The following CYFIP2 variants were observed in gnomAD, a reference collection of about 807,000 sequenced individuals.
CYFIP2 encodes cytoplasmic FMR1 interacting protein 2.
In CYFIP2, 29 loss-of-function variants were observed where a neutral mutation model predicts 158.7. The observed-to-expected ratio is 0.18, with a 90% CI of 0.14 to 0.25. The LOEUF is 0.25. Ranked by LOEUF, CYFIP2 falls within the 10% of genes least tolerant of loss-of-function variation. The pLI is 1.00. For missense variants in CYFIP2, 852 were observed against 1,639.5 expected (o/e 0.52, Z 8.29); for synonymous variants, 585 against 617.6 (o/e 0.95, Z 0.78).
chr5:157,292,658 C>A (rs1193750970), intron 3 of CYFIP2, among the ~76,000 whole-genome samples: 1 of 152,164 alleles, frequency 6.6e-6, no homozygotes, highest in Non-Finnish European at 1.5e-5. Context: ...AGTTATTGGG[C>A]TATTTTGAAT....
chr5:157,338,986 G>A lies in CYFIP2; in HGVS notation c.2386-71G>A. The A allele has an allele frequency of 2.8e-6, 4 of 1,452,350 alleles. No individual in the cohort carries two copies. The South Asian group carries it at 4.1e-5, about 15-fold the overall frequency. The allele number at this position is 1,452,350 out of a possible 1,614,324, so 90.0% of individuals were successfully genotyped here. A position where few individuals can be genotyped will look rare whatever the true frequency, so the allele number is the denominator to read the frequency against. ...GCTGTCACTTGCGTGAACAGAAGCA[G>A]TAAGATAAAACACACACATGTAATG... On this transcript the variant is annotated intron_variant, in intron 21 of 30. Coordinates refer to ENST00000620254, the MANE Select transcript of CYFIP2 (RefSeq NM_001037333.3).
chr5:157,348,898 C>G (rs1199327275), intron 23 of CYFIP2, among the ~76,000 whole-genome samples: 3 of 150,604 alleles, frequency 2.0e-5, no homozygotes, highest in African/African-American at 7.4e-5. Flanking sequence ...TGCAGTGAAC[C>G]AAGATCGCAC....
chr5:157,324,055 A>G lies in CYFIP2; in HGVS notation c.1806A>G (p.Thr602=). ...EDFHKQSFFF[T]HLLNISEALQ... ...TTCACAAACAGTCCTTCTTCTTCAC[A>G]CATCTGCTCAACATCAGTGGTGAGC... is the stretch of plus-strand genomic sequence containing the variant. Residue 602 remains threonine, a synonymous_variant, in exon 16 of 31, where the codon ACA becomes ACG. Transcript: ENST00000620254. The G allele has an allele frequency of 8.7e-6, 14 of 1,613,234 alleles. No individual in the cohort carries two copies. Among genetic ancestry groups the G allele is most frequent in the Non-Finnish European group, 1.2e-5 (14 of 1,179,634 alleles).
Position 157,325,468 on chromosome 5 carries a change from C to G in CYFIP2, c.1826-14C>G, listed in dbSNP as rs765808616. The stretch of plus-strand genomic sequence containing the variant: ...TCTAAAAGTAACCAAAGGCTCGTTC[C>G]CTTATGCTTTCAGAAGCCCTGCAGC... On this transcript the variant is annotated splice_polypyrimidine_tract_variant and intron_variant, in intron 16 of 30. Transcript: ENST00000620254. 1.9e-5 allele frequency: 31 copies of G among 1,595,674 alleles called. 1 individual carries two copies. The East Asian group carries it at 2.5e-4, about 13-fold the overall frequency.
At chr5:157,306,904 A>C (rs535194796) in intron 8 of CYFIP2, among the ~76,000 whole-genome samples, 2 of 151,706 alleles carry the variant, frequency 1.3e-5, no homozygotes, top group African/African-American at 2.4e-5. Flanking sequence ...AAAAAAAAAA[A>C]AAAAACCGGA....
At position 157,304,096 on chromosome 5, in the gene CYFIP2, G is replaced by A. The variant is rs560270197; in HGVS notation, c.667-142G>A. ...GGATTCAGGCATCAGGTGCCAGCTG[G>A]CATGCAGCCTCGCCTCCCTGGAGCT... is the stretch of plus-strand genomic sequence containing the variant. On this transcript the variant is annotated intron_variant, in intron 7 of 30. Transcript: ENST00000620254. 4.3e-4 allele frequency: 444 copies of A among 1,026,364 alleles called. 2 individuals are homozygous for A. The African/African-American group carries it at 6.2e-3, about 14-fold the overall frequency. 63.6% of individuals were successfully genotyped at this position (1,026,364 alleles called of 1,614,324 possible).
intron 23 of CYFIP2, among the ~76,000 whole-genome samples, chr5:157,347,489 A>T (rs1312509543): frequency 6.6e-6 from 1 of 152,178 alleles, no homozygotes; most frequent in African/African-American, 2.4e-5. Flanking sequence ...GCAGCAATGC[A>T]TGCAGCATGT....
intron 3 of CYFIP2, among the ~76,000 whole-genome samples, chr5:157,290,417 A>G (rs937625673): frequency 1.3e-5 from 2 of 152,016 alleles, no homozygotes; most frequent in African/African-American, 4.8e-5. Flanking sequence ...GCATCTTCAA[A>G]TCTCCTTCTC....
intron 16 of CYFIP2, among the ~76,000 whole-genome samples, chr5:157,324,544 C>T (rs1051589239): frequency 7.2e-5 from 11 of 152,174 alleles, no homozygotes; most frequent in African/African-American, 2.4e-4. Flanking sequence ...GAACATGAGT[C>T]TTCATATGTC....
intron 16 of CYFIP2, chr5:157,324,816 C>G (rs1322932659): frequency 6.7e-6 from 1 of 149,512 alleles, no homozygotes; most frequent in Non-Finnish European, 1.5e-5. Context: ...GTGGCACTAT[C>G]TCAGCTCACC....
intron 23 of CYFIP2, among the ~76,000 whole-genome samples, chr5:157,353,751 G>A (rs58322517): frequency 0.025 from 3,876 of 152,246 alleles, 161 homozygotes; most frequent in African/African-American, 0.09. Flanking sequence ...TTGTGTTTGC[G>A]GGCTGATGAT....
intron 26 of CYFIP2, among the ~76,000 whole-genome samples, chr5:157,368,614 C>G (rs1343699920): frequency 6.6e-6 from 1 of 152,192 alleles, no homozygotes; most frequent in Admixed American, 6.5e-5. Flanking sequence ...CCCAATAATA[C>G]CCTTCCTTTG....
chr5:157,367,953 T>TA (rs1238001416), intron 26 of CYFIP2, among the ~76,000 whole-genome samples: 1 of 152,062 alleles, frequency 6.6e-6, no homozygotes, highest in Non-Finnish European at 1.5e-5. Context: ...AGATGAGGTT[T>TA]CACCATGTTG....
chr5:157,292,148 T>C (rs1757869459), intron 3 of CYFIP2, among the ~76,000 whole-genome samples: 1 of 152,174 alleles, frequency 6.6e-6, no homozygotes, highest in African/African-American at 2.4e-5. Flanking sequence ...AATATGGACC[T>C]TTTGTGTCTG....
At chr5:157,271,806 G>A (rs539518619) in intron 1 of CYFIP2, among the ~76,000 whole-genome samples, 1 of 152,200 alleles carries the variant, frequency 6.6e-6, no homozygotes, top group African/African-American at 2.4e-5. Context: ...CACGTGCTCC[G>A]ATCTGGTGGC....
chr5:157,377,692 A>G (rs1765619221), intron 26 of CYFIP2, among the ~76,000 whole-genome samples: 1 of 152,256 alleles, frequency 6.6e-6, no homozygotes, highest in Admixed American at 6.5e-5. Context: ...GCTCTATTCA[A>G]GTCAGAATGA....
chr5:157,326,044 G>T (rs769772817), intron 17 of CYFIP2, 127 bp from the exon 18 acceptor site: 1 of 750,012 alleles, frequency 1.3e-6, no homozygotes, highest in Non-Finnish European at 2.3e-6. Context: ...CTCAAGGAAC[G>T]TAAGAGAGGG....
intron 26 of CYFIP2, chr5:157,365,098 A>G (rs1474722699): frequency 6.6e-6 from 1 of 152,220 alleles, no homozygotes; most frequent in South Asian, 2.1e-4. Flanking sequence ...ACCAATATTT[A>G]ACAGACATTT....
intron 5 of CYFIP2, 78 bp from the exon 6 acceptor site, chr5:157,300,637 G>T: frequency 8.0e-7 from 1 of 1,245,862 alleles, no homozygotes. Context: ...CTGGCTCTGA[G>T]GAGGGCCCTA....
Sources: gnomAD v4.1 joint callset for allele counts (sites outside exome capture counted in the v4.1 genomes callset) on GRCh38, gnomAD v4.1.1 for gene constraint, MANE v1.5 for transcripts, NCBI Gene and HGNC (gene_info 2026-07-23, HGNC 2026-07-21) for gene names.